The following ZNF668 variants were observed in gnomAD, a reference collection of about 807,000 sequenced individuals.
The protein encoded by ZNF668 is zinc finger protein 668.
In ZNF668, 10 loss-of-function variants were observed where a neutral mutation model predicts 40.3. The ratio of observed to expected loss-of-function variants is 0.25; its 90% CI spans 0.15 to 0.42. The LOEUF (loss-of-function observed/expected upper bound fraction) is 0.42. Among genes scored for constraint, ZNF668 ranks in the 10% least tolerant of loss-of-function variants. ZNF668 has a pLI of 1.00. For synonymous variants in ZNF668, 428 were observed against 384.6 expected, an observed-to-expected ratio of 1.11 and a Z score of -1.32; for missense variants, 749 against 904.6, an observed-to-expected ratio of 0.83 and a Z score of 2.21.
rs1375166928 is a variant in ZNF668, at chr16:31,061,173, G to A, written c.1755C>T (p.Ser585=). ...PHCPKAFLSA[S]DLRKHERTHP... ...GGGTGCGTTCATGCTTGCGCAAGTC[G>A]CTGGCACTCAAGAAGGCCTTGGGAC... The change falls in exon 3 of 3, where the codon AGC becomes AGT. Residue 585 remains serine (S), a synonymous_variant. Transcript: ENST00000300849. This position sits in a 1 kb window ranked among gnomAD's most constrained non-coding sequence, Gnocchi z 7.7. The A allele has an allele frequency of 1.3e-5, 20 of 1,517,808 alleles. No homozygotes were observed. The Admixed American group carries it at 2.3e-4, about 17-fold the overall frequency. 94.0% of individuals were successfully genotyped at this position (1,517,808 alleles called of 1,614,324 possible).
chr16:31,062,358 A>AG (rs1191997614), intron 2 of ZNF668, 78 bp from the exon 3 acceptor site: 3 of 1,502,692 alleles, frequency 2.0e-6, no homozygotes, highest in Non-Finnish European at 2.6e-6. Context: ...GCTGTACTTT[A>AG]GGGGCTCCCC....
intron 1 of ZNF668, among the ~76,000 whole-genome samples, chr16:31,066,573 TAGC>T (rs371829813): frequency 4.0e-4 from 60 of 151,806 alleles, no homozygotes; most frequent in African/African-American, 1.4e-3. Context: ...AAATAAAAAT[TAGC>T]AGATGTGGTG....
At chr16:31,073,073 A>AGCTCCTCGCTCCTC (rs11281612) in intron 1 of ZNF668, 3 of 151,550 alleles carry the variant, frequency 2.0e-5, no homozygotes, top group South Asian at 2.1e-4. Flanking sequence ...AGAAACCCGG[A>AGCTCCTCGCTCCTC]GCTCCTCGCT....
chr16:31,061,875 G>T lies in ZNF668; in HGVS notation c.1053C>A (p.Leu351=), dbSNP rs1242176464. 6.2e-7 allele frequency: 1 copy of T among 1,612,942 alleles called. No individual in the cohort carries two copies. The highest frequency in any genetic ancestry group is 2.2e-5 in the East Asian group (1 of 44,858). ...CAGAGTGCACCAGCGCGTGCCGCTT[G>T]AGGTCCCAGGACGCCACGAACGTCT... is the stretch of plus-strand genomic sequence containing the variant. ...CDKTFVASWD[L]KRHALVHSGQ... Residue 351 remains leucine (L), a synonymous_variant, in exon 3 of 3, where the codon CTC becomes CTA. Coordinates refer to ENST00000300849, the MANE Select transcript of ZNF668 (RefSeq NM_024706.5). This position sits in a 1 kb window ranked among gnomAD's most constrained non-coding sequence, Gnocchi z 7.7.
intron 1 of ZNF668, 79 bp downstream of exon 1, chr16:31,073,580 G>C (rs1303075067): frequency 2.0e-5 from 3 of 152,360 alleles, no homozygotes; most frequent in African/African-American, 7.2e-5. Flanking sequence ...GGCGCCCGCA[G>C]GGAAACTGAG....
intron 1 of ZNF668, among the ~76,000 whole-genome samples, chr16:31,072,258 T>C (rs1020471112): frequency 6.6e-6 from 1 of 152,206 alleles, no homozygotes; most frequent in Non-Finnish European, 1.5e-5. Flanking sequence ...CAGAACCCTG[T>C]GTGGTGACCC....
intron 1 of ZNF668, among the ~76,000 whole-genome samples, chr16:31,069,761 C>T (rs1316712797): frequency 2.7e-5 from 4 of 147,466 alleles, no homozygotes; most frequent in East Asian, 1.9e-4. Flanking sequence ...CCCGCCACCA[C>T]GCCCGGCTAT....
In ZNF668 at chr16:31,064,077, C is replaced by T. The variant is rs774253924; in HGVS notation, c.383G>A (p.Arg128His). Residue 128 changes from arginine to histidine, a missense_variant, in exon 2 of 3, where the codon CGC becomes CAC. By Grantham distance (29) the Arg-to-His change is conservative (BLOSUM62 0). Transcript: ENST00000300849. The stretch of plus-strand genomic sequence containing the variant: ...GCCAGCGTGCGAGGCCAGGTGCACG[C>T]GCAGGCACACGGGCTGCATGAAGCG... ...GRRFMQPVCLRVHLASHAGEL... is the reference protein window; with the variant it reads ...GRRFMQPVCLHVHLASHAGEL... 11 of 1,604,666 alleles carry T rather than the reference C, an allele frequency of 6.9e-6. No individual in the cohort carries two copies. The highest frequency in any genetic ancestry group is 9.4e-6 in the Non-Finnish European group (11 of 1,175,706).
In ZNF668 at chr16:31,061,453, C is replaced by T; in HGVS notation, c.1475G>A (p.Arg492Gln). The T allele has an allele frequency of 1.1e-5, 18 of 1,613,808 alleles. No individual in the cohort carries two copies. The highest frequency in any genetic ancestry group is 1.5e-5 in the Non-Finnish European group (18 of 1,179,982). Residue 492 changes from arginine to glutamine, a missense_variant, in exon 3 of 3, where the codon CGG becomes CAG. By Grantham distance (43) the Arg-to-Gln change is conservative. Coordinates refer to ENST00000300849, the MANE Select transcript of ZNF668 (RefSeq NM_024706.5). The surrounding 1 kb of genome is among the most constrained non-coding windows in gnomAD (Gnocchi z 7.7). ...EHVECQDAGV[R>Q]EAPGPLEGAG... ...CCCTTCCAAGGGACCAGGAGCCTCC[C>T]GGACACCAGCATCTTGGCATTCCAC...
Position 31,064,051 on chromosome 16 carries a change from C to T in ZNF668, c.409G>A (p.Glu137Lys), listed in dbSNP as rs1291474987. 3 of 1,603,808 alleles carry T rather than the reference C, an allele frequency of 1.9e-6. No homozygotes were observed. The highest frequency in any genetic ancestry group is 2.2e-5 in the East Asian group (1 of 44,642). Reference protein sequence around the residue: ...LRVHLASHAGELPFRCAHCPK... With the variant: ...LRVHLASHAGKLPFRCAHCPK... ...CAGTGCGCACAGCGGAAGGGCAGTT[C>T]GCCAGCGTGCGAGGCCAGGTGCACG... Residue 137 changes from glutamate (E) to lysine (K), a missense_variant, in exon 2 of 3, where the codon GAA becomes AAA. Transcript: ENST00000300849.
rs1290962393 is a variant in ZNF668 at position 31,061,447 on chromosome 16, G to A, written c.1481C>T (p.Ala494Val). The A allele has an allele frequency of 2.5e-6, 4 of 1,613,830 alleles. No individual in the cohort carries two copies. The South Asian group carries it at 3.3e-5, about 13-fold the overall frequency. The change falls in exon 3 of 3, where the codon GCT becomes GTT. Residue 494 changes from alanine to valine, a missense_variant. This residue lies in a region of ZNF668 where 310 missense variants were observed against 355.1 expected (regional missense o/e 0.87). Coordinates refer to ENST00000300849, the MANE Select transcript of ZNF668 (RefSeq NM_024706.5). The surrounding 1 kb of genome is among the most constrained non-coding windows in gnomAD (Gnocchi z 7.7). ...VECQDAGVRE[A>V]PGPLEGAGEA... ...GCCTGCCCCTTCCAAGGGACCAGGA[G>A]CCTCCCGGACACCAGCATCTTGGCA...
At chr16:31,071,633 T>C (rs745514692) in intron 1 of ZNF668, among the ~76,000 whole-genome samples, 4 of 152,156 alleles carry the variant, frequency 2.6e-5, no homozygotes, top group South Asian at 2.1e-4. Flanking sequence ...ATTCTTTGTA[T>C]ATAGAGATGG....
At position 31,061,477 on chromosome 16, in the gene ZNF668, A is replaced by G; in HGVS notation, c.1451T>C (p.Val484Ala). ...CCGGACACCAGCATCTTGGCATTCC[A>G]CATGCTCCACCGTCATGCCCACCAC... ...WQVVGMTVEHVECQDAGVREA... is the reference protein window; with the variant it reads ...WQVVGMTVEHAECQDAGVREA... Residue 484 changes from valine to alanine, a missense_variant, in exon 3 of 3, where the codon GTG (valine) becomes GCG (alanine). Val to Ala is a moderately conservative substitution (Grantham distance 64, BLOSUM62 0). Coordinates refer to ENST00000300849, the MANE Select transcript of ZNF668 (RefSeq NM_024706.5). This position sits in a 1 kb window ranked among gnomAD's most constrained non-coding sequence, Gnocchi z 7.7. 1 of 1,613,428 alleles carries G rather than the reference A, an allele frequency of 6.2e-7. No individual in the cohort carries two copies.
chr16:31,062,452 GTC>G (rs1482123425), intron 2 of ZNF668, 172 bp from the exon 3 acceptor site: 1 of 927,524 alleles, frequency 1.1e-6, no homozygotes. Context: ...CTGGCTGGGT[GTC>G]TCTATTCCAA....
rs2056959524 is a variant in ZNF668, at chr16:31,064,029, T to G, written c.431A>C (p.His144Pro). Residue 144 changes from histidine to proline, a missense_variant, in exon 2 of 3, where the codon CAC becomes CCC. Physicochemically the swap from His to Pro is moderately conservative, Grantham distance 77. Around this residue, in one of 4 missense-constraint regions of ZNF668, gnomAD observed 151 missense variants for 178.6 expected, o/e 0.85. Coordinates refer to ENST00000300849, the MANE Select transcript of ZNF668 (RefSeq NM_024706.5). ...GAGCGCGCCATAGGCCTTCGGGCAG[T>G]GCGCACAGCGGAAGGGCAGTTCGCC... ...HAGELPFRCA[H>P]CPKAYGALSK... 6.2e-7 allele frequency: 1 copy of G among 1,604,864 alleles called. No individual in the cohort carries two copies. The highest frequency in any genetic ancestry group is 8.5e-7 in the Non-Finnish European group (1 of 1,173,894).
chr16:31,062,376 C>T, intron 2 of ZNF668, 96 bp from the exon 3 acceptor site: 2 of 1,471,114 alleles, frequency 1.4e-6, no homozygotes, highest in Non-Finnish European at 9.0e-7. Context: ...CCCAAACGTT[C>T]GTGGGGGCCT....
At chr16:31,069,420 G>A (rs931175503) in intron 1 of ZNF668, among the ~76,000 whole-genome samples, 1 of 152,022 alleles carries the variant, frequency 6.6e-6, no homozygotes, top group East Asian at 1.9e-4. Flanking sequence ...AGTGGCACTA[G>A]CAGTTCCCTC....
chr16:31,061,760 G>A lies in ZNF668; in HGVS notation c.1168C>T (p.Arg390Cys). ...TKHSRVHSGE[R>C]PFHCNACGKS... Reference sequence around the variant, plus strand: ...CCACATGCGTTACAGTGGAAGGGGCGCTCCCCCGAGTGCACCCGGCTATGC... The same window carrying A: ...CCACATGCGTTACAGTGGAAGGGGCACTCCCCCGAGTGCACCCGGCTATGC... The change falls in exon 3 of 3, where the codon CGC (arginine) becomes TGC (cysteine). Residue 390 changes from arginine (R) to cysteine (C), a missense_variant. Physicochemically the swap from Arg to Cys is radical, Grantham distance 180. This residue lies in a region of ZNF668 where 310 missense variants were observed against 355.1 expected (regional missense o/e 0.87). Transcript: ENST00000300849. This position sits in a 1 kb window ranked among gnomAD's most constrained non-coding sequence, Gnocchi z 7.7. 2 of 1,612,982 alleles carry A rather than the reference G, an allele frequency of 1.2e-6. No homozygotes were observed.
Position 31,062,117 on chromosome 16 carries a change from C to A in ZNF668, c.811G>T (p.Glu271Ter). 1 of 1,613,782 alleles carries A rather than the reference C, an allele frequency of 6.2e-7. No homozygotes were observed. Among genetic ancestry groups the A allele is most frequent in the Non-Finnish European group, 8.5e-7 (1 of 1,179,856 alleles). Residue 271 changes from glutamate to a stop codon, truncating the protein, a stop_gained, in exon 3 of 3, where the codon GAG becomes TAG. Transcript: ENST00000300849. LOFTEE classifies it high-confidence loss of function. ...FTQLSSYQSHERTHSGEKPFL... is the reference protein window; with the variant it reads ...FTQLSSYQSH ...GGCTTCTCCCCCGAGTGCGTGCGCT[C>A]GTGGCTCTGGTAGGAACTGAGCTGC...
Sources: gnomAD v4.1 joint callset for allele counts (sites outside exome capture counted in the v4.1 genomes callset) on GRCh38, gnomAD v4.1.1 for gene constraint, gnomAD v4.1.1 regional missense constraint, Gnocchi (gnomAD v3.1) non-coding constraint, MANE v1.5 for transcripts, NCBI Gene and HGNC (gene_info 2026-07-23, HGNC 2026-07-21) for gene names.